Variants in MBD5 observed in about 807,000 individuals in gnomAD.
MBD5 encodes methyl-CpG-binding domain protein 5.
In MBD5, 13 loss-of-function variants were observed where a neutral mutation model predicts 117.3. That is an observed-to-expected ratio of 0.11 (90% CI 0.07 to 0.18). The LOEUF is 0.18. Ranked by LOEUF, MBD5 falls within the 10% of genes least tolerant of loss-of-function variation. The probability of loss-of-function intolerance (pLI) is 1.00; values close to 1 mark genes in which losing one functional copy is unlikely to be tolerated. For missense variants in MBD5, 1,879 were observed against 2,093.8 expected (o/e 0.90, Z 2.00); for synonymous variants, 727 against 766.4 (o/e 0.95, Z 0.85).
chr2:148,029,592 G>A (rs1225702915), intron 1 of MBD5, among the ~76,000 whole-genome samples: 1 of 151,948 alleles, frequency 6.6e-6, no homozygotes, highest in Non-Finnish European at 1.5e-5. Flanking sequence ...AGGGTTTTTT[G>A]TTTTTAAAAA....
intron 1 of MBD5, among the ~76,000 whole-genome samples, chr2:148,066,824 A>G (rs1363920212): frequency 6.6e-6 from 1 of 152,098 alleles, no homozygotes; most frequent in Non-Finnish European, 1.5e-5. Flanking sequence ...TCTTTCTTCA[A>G]TGCAGAATGT....
intron 4 of MBD5, among the ~76,000 whole-genome samples, chr2:148,348,550 T>C (rs1279252860): frequency 6.6e-6 from 1 of 152,050 alleles, no homozygotes; most frequent in African/African-American, 2.4e-5. Flanking sequence ...ATTATAGGCT[T>C]GGTGTCTTGG....
chr2:148,181,482 A>G (rs761954244), intron 2 of MBD5, among the ~76,000 whole-genome samples: 7 of 152,196 alleles, frequency 4.6e-5, no homozygotes, highest in Non-Finnish European at 8.8e-5. Flanking sequence ...GACTCCAGCA[A>G]TAACCTTCTC....
chr2:148,253,388 T>G (rs964211623), intron 3 of MBD5, among the ~76,000 whole-genome samples: 3 of 152,114 alleles, frequency 2.0e-5, no homozygotes, highest in African/African-American at 7.2e-5. Flanking sequence ...AGTATGATAA[T>G]GGAGACAGAG....
chr2:148,336,532 A>C (rs1215153287), intron 3 of MBD5, among the ~76,000 whole-genome samples: 1 of 152,078 alleles, frequency 6.6e-6, no homozygotes, highest in South Asian at 2.1e-4. Context: ...GACTACCAGC[A>C]TGCACCACCA....
intron 4 of MBD5, among the ~76,000 whole-genome samples, chr2:148,383,191 A>G (rs1433366192): frequency 1.3e-5 from 2 of 152,188 alleles, no homozygotes; most frequent in Non-Finnish European, 2.9e-5. Flanking sequence ...AAGATCACCA[A>G]AATTGATAGA....
At chr2:148,125,341 T>G (rs1696864372) in intron 1 of MBD5, among the ~76,000 whole-genome samples, 1 of 152,196 alleles carries the variant, frequency 6.6e-6, no homozygotes, top group South Asian at 2.1e-4. Context: ...TAGTAAGCAT[T>G]CTTTGTCTAC....
intron 3 of MBD5, among the ~76,000 whole-genome samples, chr2:148,324,620 A>T (rs572744808): frequency 0.01 from 1,566 of 151,820 alleles, 27 homozygotes; most frequent in African/African-American, 0.036. Context: ...TTCACTCATG[A>T]TTTGGCTCTC....
intron 4 of MBD5, among the ~76,000 whole-genome samples, chr2:148,394,619 C>A (rs1704656519): frequency 1.4e-5 from 2 of 138,060 alleles, no homozygotes; most frequent in South Asian, 4.6e-4. Context: ...TTTTTTTAGT[C>A]TCAACAAAAG....
chr2:148,075,381 G>A (rs1281695220), intron 1 of MBD5, among the ~76,000 whole-genome samples: 2 of 152,190 alleles, frequency 1.3e-5, no homozygotes, highest in African/African-American at 4.8e-5. Context: ...CCATCCTGTG[G>A]CCCATCTTAC....
At chr2:148,350,777 TG>T (rs1396772040) in intron 4 of MBD5, among the ~76,000 whole-genome samples, 3 of 152,062 alleles carry the variant, frequency 2.0e-5, no homozygotes, top group African/African-American at 2.4e-5. Flanking sequence ...GTCCTTTCCC[TG>T]TTCTTCCAGT....
chr2:148,292,147 TG>T (rs2106431714), intron 3 of MBD5, among the ~76,000 whole-genome samples: 1 of 152,296 alleles, frequency 6.6e-6, no homozygotes, highest in South Asian at 2.1e-4. Flanking sequence ...TCTAAGATAT[TG>T]ATCTGGGCAA....
chr2:148,024,527 C>T (rs1195562901), intron 1 of MBD5, among the ~76,000 whole-genome samples: 1 of 152,132 alleles, frequency 6.6e-6, no homozygotes, highest in Non-Finnish European at 1.5e-5. Context: ...TGTCATAATC[C>T]ATGTTAGTTT....
intron 4 of MBD5, among the ~76,000 whole-genome samples, chr2:148,363,782 G>C (rs144765987): frequency 3.9e-5 from 6 of 152,242 alleles, no homozygotes; most frequent in African/African-American, 9.6e-5. Context: ...AAAGTGTGAA[G>C]ACTAGATTAG....
At chr2:148,241,599 G>GC (rs550691275) in intron 3 of MBD5, among the ~76,000 whole-genome samples, 6 of 151,596 alleles carry the variant, frequency 4.0e-5, no homozygotes, top group South Asian at 2.1e-4. Flanking sequence ...TCCTTTCTGG[G>GC]CCCCCCCTCC....
chr2:148,112,073 A>G (rs1696515376), intron 1 of MBD5, among the ~76,000 whole-genome samples: 1 of 152,212 alleles, frequency 6.6e-6, no homozygotes, highest in Admixed American at 6.5e-5. Flanking sequence ...ACATATACAC[A>G]AACACATACC....
intron 3 of MBD5, among the ~76,000 whole-genome samples, chr2:148,290,688 A>C (rs541869987): frequency 1.3e-5 from 2 of 152,310 alleles, no homozygotes; most frequent in Middle Eastern, 3.4e-3. Flanking sequence ...AGCGTGTATC[A>C]GTAATTTTTT....
At chr2:148,092,308 C>G (rs114082438) in intron 1 of MBD5, among the ~76,000 whole-genome samples, 1,874 of 152,292 alleles carry the variant, frequency 0.012, 24 homozygotes, top group African/African-American at 0.043. Flanking sequence ...AATCCCAATA[C>G]TGGGTATCTA....
chr2:148,468,474 C>T lies in MBD5; in HGVS notation c.531C>T (p.Ala177=), dbSNP rs2105623085. 1.2e-6 allele frequency: 2 copies of T among 1,613,860 alleles called. No individual in the cohort carries two copies. The highest frequency in any genetic ancestry group is 1.7e-5 in the Admixed American group (1 of 59,980). ...AGTTAATGATTGGATCATCAAATGC[C>T]ATGGGAAGGCTATATGTACAAGAAC... ...PFKLMIGSSN[A]MGRLYVQELP... Residue 177 remains alanine (A), a synonymous_variant, in exon 8 of 14, where the codon GCC becomes GCT. Coordinates refer to ENST00000642680, the MANE Select transcript of MBD5 (RefSeq NM_001378120.1).
Sources: gnomAD v4.1 joint callset for allele counts (sites outside exome capture counted in the v4.1 genomes callset) on GRCh38, gnomAD v4.1.1 for gene constraint, MANE v1.5 for transcripts, NCBI Gene and HGNC (gene_info 2026-07-23, HGNC 2026-07-21) for gene names.